Variants in FOXO3 observed in about 807,000 individuals in gnomAD.
The protein encoded by FOXO3 is forkhead box O3, also known as forkhead box protein O3.
In FOXO3, 4 loss-of-function variants were observed where a neutral mutation model predicts 41.9. The observed-to-expected ratio is 0.10, with a 90% CI of 0.05 to 0.22. The LOEUF (loss-of-function observed/expected upper bound fraction) is 0.22, where lower values mean the gene tolerates loss of function less well. FOXO3 is among the 10% of genes least tolerant of loss of function. FOXO3 has a pLI of 1.00. For missense variants in FOXO3, 534 were observed against 906.8 expected (o/e 0.59, Z 5.28); for synonymous variants, 318 against 389.3 (o/e 0.82, Z 2.16).
Position 108,561,119 on chromosome 6 carries a change from C to T in FOXO3, c.-90C>T, listed in dbSNP as rs1775769591. 18 of 1,437,026 alleles carry T rather than the reference C, an allele frequency of 1.3e-5. No individual in the cohort carries two copies. The highest frequency in any genetic ancestry group is 1.5e-5 in the African/African-American group (1 of 66,726). The allele number at this position is 1,437,026 out of a possible 1,614,324, so 89.0% of individuals were successfully genotyped here. On this transcript the variant is annotated 5_prime_UTR_variant, in exon 1 of 3. Transcript: ENST00000406360. The stretch of plus-strand genomic sequence containing the variant: ...GGCGGCGCCCGGGAGCCGGAGCCTT[C>T]GCGGCGTCCACGTCCCTCCCCCGCT...
intron 2 of FOXO3, among the ~76,000 whole-genome samples, chr6:108,677,470 C>A (rs989466618): frequency 6.6e-6 from 1 of 152,286 alleles, no homozygotes; most frequent in Non-Finnish European, 1.5e-5. Context: ...AGCCACACTC[C>A]CTGTCTCTGT....
At chr6:108,640,944 C>T (rs1778240914) in intron 1 of FOXO3, among the ~76,000 whole-genome samples, 2 of 152,130 alleles carry the variant, frequency 1.3e-5, no homozygotes, top group African/African-American at 2.4e-5. Flanking sequence ...GACAGAGTCC[C>T]ACTCTGTCGC....
intron 1 of FOXO3, among the ~76,000 whole-genome samples, chr6:108,595,081 T>C (rs1776840594): frequency 6.6e-6 from 1 of 152,158 alleles, no homozygotes; most frequent in Non-Finnish European, 1.5e-5. Context: ...TATTCAAGGA[T>C]AGATTTTTCC....
At chr6:108,669,143 C>T (rs570729708) in intron 2 of FOXO3, among the ~76,000 whole-genome samples, 2 of 152,182 alleles carry the variant, frequency 1.3e-5, no homozygotes, top group Admixed American at 6.5e-5. Flanking sequence ...ACTAAATAAA[C>T]TTGAACCCTA....
chr6:108,675,727 G>A (rs1474225789), intron 2 of FOXO3, among the ~76,000 whole-genome samples: 1 of 152,162 alleles, frequency 6.6e-6, no homozygotes, highest in Non-Finnish European at 1.5e-5. Context: ...TAGGAAAACA[G>A]TTGATAACCT....
At chr6:108,630,699 G>A (rs960150733) in intron 1 of FOXO3, among the ~76,000 whole-genome samples, 6 of 152,140 alleles carry the variant, frequency 3.9e-5, no homozygotes, top group East Asian at 3.9e-4. Context: ...GTCTCAACTC[G>A]TGCATAAGTC....
At chr6:108,631,001 A>G (rs1389108164) in intron 1 of FOXO3, among the ~76,000 whole-genome samples, 3 of 152,152 alleles carry the variant, frequency 2.0e-5, no homozygotes, top group African/African-American at 7.2e-5. Flanking sequence ...TAACATGTAT[A>G]AATGTCTAAG....
intron 1 of FOXO3, among the ~76,000 whole-genome samples, chr6:108,569,397 G>A (rs532887000): frequency 4.1e-4 from 62 of 152,266 alleles, no homozygotes; most frequent in Admixed American, 3.3e-3. Flanking sequence ...AAAGGAAAAA[G>A]AACTACGGTA....
intron 1 of FOXO3, chr6:108,656,303 C>G: frequency 1.1e-6 from 1 of 944,762 alleles, no homozygotes; most frequent in Non-Finnish European, 1.3e-6. Context: ...AGACAAAAAC[C>G]TCTCTGTGTT....
At chr6:108,659,392 G>T (rs1371167339) in intron 1 of FOXO3, among the ~76,000 whole-genome samples, 1 of 152,064 alleles carries the variant, frequency 6.6e-6, no homozygotes, top group African/African-American at 2.4e-5. Flanking sequence ...TTTGGTAAGA[G>T]GCCTATATGA....
intron 2 of FOXO3, among the ~76,000 whole-genome samples, chr6:108,678,899 A>G (rs1582845291): frequency 6.6e-5 from 3 of 45,424 alleles, no homozygotes; most frequent in South Asian, 1.1e-3. Context: ...TTTGAGACGG[A>G]GTCTCGCTGT....
chr6:108,605,151 T>A (rs2128367575), intron 1 of FOXO3, among the ~76,000 whole-genome samples: 1 of 152,182 alleles, frequency 6.6e-6, no homozygotes, highest in Non-Finnish European at 1.5e-5. Flanking sequence ...CGGAGTCTCA[T>A]TCTGTCACCC....
At chr6:108,560,899 G>T (rs1775761565), upstream of FOXO3, 1 of 1,149,362 alleles carries the variant, frequency 8.7e-7, no homozygotes, top group East Asian at 3.3e-5. Flanking sequence ...CGGCTCCATC[G>T]CGGCCTGGCC....
chr6:108,594,243 G>A (rs1192700045), intron 1 of FOXO3, among the ~76,000 whole-genome samples: 1 of 152,154 alleles, frequency 6.6e-6, no homozygotes, highest in African/African-American at 2.4e-5. Flanking sequence ...TTTAACTGAA[G>A]TTTGTTTGCA....
At chr6:108,567,804 T>G (rs970478995) in intron 1 of FOXO3, among the ~76,000 whole-genome samples, 1 of 152,032 alleles carries the variant, frequency 6.6e-6, no homozygotes, top group Non-Finnish European at 1.5e-5. Context: ...CCCAGCACTT[T>G]GGGAGGCCCA....
At chr6:108,603,106 G>GT (rs1408811297) in intron 1 of FOXO3, among the ~76,000 whole-genome samples, 199 of 146,472 alleles carry the variant, frequency 1.4e-3, no homozygotes, top group South Asian at 3.2e-3. Context: ...TTCATCTGTA[G>GT]TTTTTTTTTT....
At chr6:108,604,711 GT>G (rs893701988) in intron 1 of FOXO3, among the ~76,000 whole-genome samples, 17 of 149,362 alleles carry the variant, frequency 1.1e-4, no homozygotes, top group Middle Eastern at 3.4e-3. Flanking sequence ...TGAAGGTTGG[GT>G]TTTTTTTTTC....
intron 1 of FOXO3, among the ~76,000 whole-genome samples, chr6:108,562,556 G>A (rs1335140344): frequency 6.6e-6 from 1 of 152,104 alleles, no homozygotes; most frequent in Non-Finnish European, 1.5e-5. Context: ...GGCTGCACCC[G>A]CTGCTCCCGC....
At chr6:108,598,393 GA>G (rs1776947727) in intron 1 of FOXO3, among the ~76,000 whole-genome samples, 1 of 152,146 alleles carries the variant, frequency 6.6e-6, no homozygotes. Context: ...GTAGGGTGGG[GA>G]TGACAGGGGA....
Sources: allele counts gnomAD v4.1 joint callset (sites outside exome capture counted in the v4.1 genomes callset), GRCh38; gene constraint gnomAD v4.1.1; transcripts MANE v1.5; gene names NCBI Gene and HGNC (gene_info 2026-07-23, HGNC 2026-07-21).